Variants in EMC2 observed in about 807,000 individuals in gnomAD.
EMC2 encodes the protein TPR repeat protein 35.
EMC2 carries 37 observed loss-of-function variants against 51.6 expected under a neutral mutation model. The ratio of observed to expected loss-of-function variants is 0.72; its 90% confidence interval spans 0.55 to 0.94. The LOEUF (loss-of-function observed/expected upper bound fraction) is 0.94. Ranked by LOEUF, EMC2 falls within the 40% of genes least tolerant of loss-of-function variation. The probability of loss-of-function intolerance (pLI) is 0.00; values close to 1 mark genes in which losing one functional copy is unlikely to be tolerated. For missense variants in EMC2, 359 were observed against 350.9 expected (o/e 1.02, Z -0.18); for synonymous variants, 131 against 112.4 (o/e 1.17, Z -1.04).
intron 1 of EMC2, chr8:108,446,046 AT>A (rs1209735430): frequency 2.6e-5 from 4 of 153,266 alleles, no homozygotes; most frequent in African/African-American, 9.7e-5. Context: ...TTTTAGTTTT[AT>A]TTGTATAATT....
At chr8:108,449,673 A>G (rs1818968692) in intron 1 of EMC2, 150 bp from the exon 2 acceptor site, 2 of 481,318 alleles carry the variant, frequency 4.2e-6, no homozygotes, top group Non-Finnish European at 7.5e-6. Context: ...ACTTTATCAA[A>G]TTTGAGATAC....
intron 5 of EMC2, among the ~76,000 whole-genome samples, chr8:108,469,029 G>C (rs1485217218): frequency 6.6e-6 from 1 of 152,038 alleles, no homozygotes; most frequent in Non-Finnish European, 1.5e-5. Flanking sequence ...CGTCCACTCT[G>C]ACACAGCATG....
At chr8:108,468,882 A>G (rs1810793732) in intron 5 of EMC2, among the ~76,000 whole-genome samples, 1 of 152,132 alleles carries the variant, frequency 6.6e-6, no homozygotes, top group Non-Finnish European at 1.5e-5. Context: ...GCTTTCTCCT[A>G]GGCCTTTGCT....
chr8:108,481,783 T>C (rs972106101), intron 10 of EMC2, among the ~76,000 whole-genome samples: 1 of 152,164 alleles, frequency 6.6e-6, no homozygotes, highest in African/African-American at 2.4e-5. Context: ...TATAACCCTA[T>C]AGTTTATGGA....
At chr8:108,448,437 C>T (rs962263266) in intron 1 of EMC2, among the ~76,000 whole-genome samples, 1 of 152,096 alleles carries the variant, frequency 6.6e-6, no homozygotes, top group African/African-American at 2.4e-5. Flanking sequence ...AGGAGGAGAC[C>T]CACTGTGAGA....
intron 10 of EMC2, among the ~76,000 whole-genome samples, chr8:108,479,350 C>T (rs928650630): frequency 3.3e-5 from 5 of 151,942 alleles, no homozygotes; most frequent in Admixed American, 1.3e-4. Context: ...CTCAGTGGTT[C>T]TGCATTTGGC....
In EMC2 at chr8:108,455,859, T is replaced by C; in HGVS notation, c.306-14T>C. ...AGGTAATAATTGTAGATGTTTCTTT[T>C]TCTTTTTAAATAGATATGATGATGC... On this transcript the variant is annotated splice_polypyrimidine_tract_variant and intron_variant, in intron 4 of 10. Transcript: ENST00000220853. 1.0e-6 allele frequency: 1 copy of C among 1,004,344 alleles called. No individual in the cohort carries two copies. The highest frequency in any genetic ancestry group is 1.5e-6 in the Non-Finnish European group (1 of 684,236). 62.2% of individuals were successfully genotyped at this position (1,004,344 alleles called of 1,614,324 possible).
rs371345967 is a variant in EMC2, at chr8:108,476,737, A to G, written c.592-45A>G. 3.6e-6 allele frequency: 3 copies of G among 831,790 alleles called. No individual in the cohort carries two copies. The African/African-American group carries it at 5.1e-5, about 14-fold the overall frequency. The allele number at this position is 831,790 out of a possible 1,614,324, so 51.5% of individuals were successfully genotyped here. A position where few individuals can be genotyped will look rare whatever the true frequency, so the allele number is the denominator to read the frequency against. On this transcript the variant is annotated intron_variant, in intron 8 of 10. Coordinates refer to ENST00000220853, the MANE Select transcript of EMC2 (RefSeq NM_014673.5). The stretch of plus-strand genomic sequence containing the variant: ...TATGATGAAACCATGCTATATTTCA[A>G]AGTAGTAAAATAAACAGTTTTCAGC...
chr8:108,469,812 A>T lies in EMC2; in HGVS notation c.364-14A>T, dbSNP rs751566215. 4.3e-6 allele frequency: 7 copies of T among 1,610,748 alleles called. No individual in the cohort carries two copies. Among genetic ancestry groups the T allele is most frequent in the South Asian group, 1.1e-5 (1 of 90,918 alleles). On this transcript the variant is annotated splice_polypyrimidine_tract_variant and intron_variant, in intron 5 of 10. Coordinates refer to ENST00000220853, the MANE Select transcript of EMC2 (RefSeq NM_014673.5). The stretch of plus-strand genomic sequence containing the variant: ...ATCATAAGGGCCTAATCCTTTATTA[A>T]TGTCAACCCACAGGCTGCAAGAAAG...
chr8:108,458,530 A>G (rs1261654399), intron 5 of EMC2, among the ~76,000 whole-genome samples: 1 of 152,152 alleles, frequency 6.6e-6, no homozygotes, highest in Non-Finnish European at 1.5e-5. Context: ...CACAGGCTCA[A>G]CACCACGTGG....
At chr8:108,469,354 A>G (rs1156551201) in intron 5 of EMC2, among the ~76,000 whole-genome samples, 1 of 152,166 alleles carries the variant, frequency 6.6e-6, no homozygotes, top group Non-Finnish European at 1.5e-5. Flanking sequence ...TTCTTGTGAA[A>G]GACTCATAGG....
At chr8:108,454,379 T>A (rs1020846297) in intron 4 of EMC2, among the ~76,000 whole-genome samples, 2 of 152,068 alleles carry the variant, frequency 1.3e-5, no homozygotes, top group African/African-American at 4.8e-5. Flanking sequence ...TACTTCTTTT[T>A]AAATTTTTTA....
chr8:108,478,965 A>G (rs762653592), intron 9 of EMC2, 41 bp from the exon 10 acceptor site: 2 of 1,246,944 alleles, frequency 1.6e-6, no homozygotes, highest in African/African-American at 3.1e-5. Flanking sequence ...CTTGACTAGC[A>G]AAAAAGGAAT....
At chr8:108,453,733 C>G (rs991870259) in intron 4 of EMC2, among the ~76,000 whole-genome samples, 4 of 152,030 alleles carry the variant, frequency 2.6e-5, no homozygotes, top group Non-Finnish European at 2.9e-5. Flanking sequence ...TTCAGTACTT[C>G]TAGATAATTG....
At chr8:108,448,270 G>A (rs1818928290) in intron 1 of EMC2, among the ~76,000 whole-genome samples, 2 of 152,172 alleles carry the variant, frequency 1.3e-5, no homozygotes, top group African/African-American at 4.8e-5. Flanking sequence ...GGTAAGTTAT[G>A]TAAGGTCATG....
chr8:108,476,577 A>G (rs981295198), intron 8 of EMC2, among the ~76,000 whole-genome samples: 4 of 151,954 alleles, frequency 2.6e-5, no homozygotes, highest in Non-Finnish European at 5.9e-5. Flanking sequence ...CTCAATGTTC[A>G]TAGAATAGAA....
At chr8:108,457,331 C>CAT (rs369846369) in intron 5 of EMC2, among the ~76,000 whole-genome samples, 2 of 127,994 alleles carry the variant, frequency 1.6e-5, no homozygotes, top group African/African-American at 2.8e-5. Flanking sequence ...CGTGTGTGTG[C>CAT]GTGTGTGTGT....
At chr8:108,452,186 A>G (rs7816000) in intron 3 of EMC2, among the ~76,000 whole-genome samples, 104,067 of 152,096 alleles carry the variant, frequency 0.68, 36,170 homozygotes, top group African/African-American at 0.81. Flanking sequence ...TGATGAGTCA[A>G]TTATGGATAC....
chr8:108,450,264 G>A (rs1467156950), intron 2 of EMC2, among the ~76,000 whole-genome samples, 164 bp from the exon 3 acceptor site: 1 of 152,146 alleles, frequency 6.6e-6, no homozygotes, highest in Non-Finnish European at 1.5e-5. Flanking sequence ...TTACACTGCT[G>A]AAACATGTAA....
Sources: allele counts gnomAD v4.1 joint callset (sites outside exome capture counted in the v4.1 genomes callset), GRCh38; gene constraint gnomAD v4.1.1; transcripts MANE v1.5; gene names NCBI Gene and HGNC (gene_info 2026-07-23, HGNC 2026-07-21).